MAGEL2: variants seen among roughly 807,000 people sequenced by gnomAD.
MAGEL2 encodes MAGE-like protein 2.
For missense variants in MAGEL2, 1,830 were observed against 1,699.2 expected (o/e 1.08, Z -1.35); for synonymous variants, 792 against 721.7 (o/e 1.10, Z -1.56).
At position 23,645,635 on chromosome 15, in the gene MAGEL2, G is replaced by T; in HGVS notation, c.2108C>A (p.Ala703Glu). 1 of 1,587,576 alleles carries T rather than the reference G, an allele frequency of 6.3e-7. No homozygotes were observed. The highest frequency in any genetic ancestry group is 8.6e-7 in the Non-Finnish European group (1 of 1,167,976). ...LQAQPGPPVA[A>E]ANFPLGSAKS... is the part of the protein sequence containing the mutation. Reference sequence around the variant, plus strand: ...AGCGGAGCCCAGGGGAAAATTTGCCGCTGCTACCGGGGGTCCGGGCTGGGC... The same window carrying T: ...AGCGGAGCCCAGGGGAAAATTTGCCTCTGCTACCGGGGGTCCGGGCTGGGC... The change falls in exon 1 of 1, where the codon GCG (alanine) becomes GAG (glutamate). Residue 703 changes from alanine to glutamate, a missense_variant. Coordinates refer to ENST00000650528, the MANE Select transcript of MAGEL2 (RefSeq NM_019066.5).
Position 23,644,861 on chromosome 15 carries a change from G to C in MAGEL2, c.2882C>G (p.Pro961Arg). 1.9e-6 allele frequency: 3 copies of C among 1,612,368 alleles called. No individual in the cohort carries two copies. Among genetic ancestry groups the C allele is most frequent in the Non-Finnish European group, 2.5e-6 (3 of 1,179,798 alleles). The change falls in exon 1 of 1, where the codon CCC becomes CGC. Residue 961 changes from proline to arginine, a missense_variant. Transcript: ENST00000650528. The part of the protein sequence containing the change: ...TSRILSGWEG[P>R]SASWALSAWE... The stretch of plus-strand genomic sequence containing the variant: ...GGCACTCAGGGCCCAGGATGCGCTG[G>C]GCCCTTCCCAGCCACTCAGGATCCT...
At position 23,645,449 on chromosome 15, in the gene MAGEL2, G is replaced by A. The variant is rs766956336; in HGVS notation, c.2294C>T (p.Ala765Val). The change falls in exon 1 of 1, where the codon GCG (alanine) becomes GTG (valine). Residue 765 changes from alanine to valine, a missense_variant. By Grantham distance (64) the Ala-to-Val change is moderately conservative. Transcript: ENST00000650528. ...TFCAPKAVSA[A>V]RAHLPAAWKN... ...CCAGGCAGCTGGCAGGTGTGCTCGCGCAGCTGACACTGCCTTGGGAGCACA... is the reference window on the plus strand; with the variant it reads ...CCAGGCAGCTGGCAGGTGTGCTCGCACAGCTGACACTGCCTTGGGAGCACA... 1.9e-6 allele frequency: 3 copies of A among 1,613,976 alleles called. No homozygotes were observed. Among genetic ancestry groups the A allele is most frequent in the Non-Finnish European group, 2.5e-6 (3 of 1,179,898 alleles).
chr15:23,644,843 A>G lies in MAGEL2; in HGVS notation c.2900T>C (p.Leu967Pro), dbSNP rs1231141709. 6.2e-7 allele frequency: 1 copy of G among 1,612,300 alleles called. No homozygotes were observed. Among genetic ancestry groups the G allele is most frequent in the East Asian group, 2.2e-5 (1 of 44,852 alleles). Reference sequence around the variant, plus strand: ...GGTGCTCGGGCCCTCCCAGGCACTCAGGGCCCAGGATGCGCTGGGCCCTTC... The same window carrying G: ...GGTGCTCGGGCCCTCCCAGGCACTCGGGGCCCAGGATGCGCTGGGCCCTTC... ...GWEGPSASWA[L>P]SAWEGPSTSR... The change falls in exon 1 of 1, where the codon CTG becomes CCG. Residue 967 changes from leucine to proline, a missense_variant. Leu to Pro is a moderately conservative substitution (Grantham distance 98). Transcript: ENST00000650528.
In MAGEL2 at chr15:23,644,240, T is replaced by G. The variant is rs772792691; in HGVS notation, c.3503A>C (p.Glu1168Ala). 10 of 1,613,690 alleles carry G rather than the reference T, an allele frequency of 6.2e-6. No individual in the cohort carries two copies. In the African/African-American group the frequency reaches 1.2e-4, roughly 19 times the overall value. ...TEVFVRQKYLEYRRIPYTEPA... is the reference protein window; with the variant it reads ...TEVFVRQKYLAYRRIPYTEPA... ...CTCAGTGTAAGGGATTCGCCTGTAC[T>G]CTAGGTACTTCTGCCTGACAAACAC... Residue 1168 changes from glutamate (E) to alanine (A), a missense_variant, in exon 1 of 1, where the codon GAG becomes GCG. Transcript: ENST00000650528.
At position 23,644,357 on chromosome 15, in the gene MAGEL2, T is replaced by C; in HGVS notation, c.3386A>G (p.Glu1129Gly). The change falls in exon 1 of 1, where the codon GAG becomes GGG. Residue 1129 changes from glutamate to glycine, a missense_variant. Glu to Gly is a moderately conservative substitution (Grantham distance 98). Transcript: ENST00000650528. ...GAACAGAAAATTAAAGATCAGATCC[T>C]CCCTGACACAGTTGCCTTTCATAAA... Reference protein sequence around the residue: ...LIFMKGNCVREDLIFNFLFKL... With the variant: ...LIFMKGNCVRGDLIFNFLFKL... 1 of 1,613,912 alleles carries C rather than the reference T, an allele frequency of 6.2e-7. No homozygotes were observed. The highest frequency in any genetic ancestry group is 8.5e-7 in the Non-Finnish European group (1 of 1,179,874).
rs772558239 is a variant in MAGEL2 at position 23,644,093 on chromosome 15, A to G, written c.3650T>C (p.Leu1217Pro). The G allele has an allele frequency of 6.2e-7, 1 of 1,613,918 alleles. No individual in the cohort carries two copies. The highest frequency in any genetic ancestry group is 2.2e-5 in the East Asian group (1 of 44,878). ...CCACTCACACTCTGCGAGCGCTTCA[A>G]GGTAATGGAATGGCCAGCTCTGTGG... Reference protein sequence around the residue: ...KDPQSWPFHYLEALAECEWED... With the variant: ...KDPQSWPFHYPEALAECEWED... Residue 1217 changes from leucine to proline, a missense_variant, in exon 1 of 1, where the codon CTT (leucine) becomes CCT (proline). Physicochemically the swap from Leu to Pro is moderately conservative, Grantham distance 98 (BLOSUM62 -3). Transcript: ENST00000650528.
At position 23,647,613 on chromosome 15, in the gene MAGEL2, A is replaced by C; in HGVS notation, c.130T>G (p.Trp44Gly). Residue 44 changes from tryptophan (W) to glycine (G), a missense_variant, in exon 1 of 1, where the codon TGG (tryptophan) becomes GGG (glycine). By Grantham distance (184) the Trp-to-Gly change is radical (BLOSUM62 -2). Coordinates refer to ENST00000650528, the MANE Select transcript of MAGEL2 (RefSeq NM_019066.5). ...TGCAAGTCAATTGGAGGTGGATCCC[A>C]AGGGACTGGCGGAGCCCGGGAGGAA... Reference protein sequence around the residue: ...PASSRAPPVPWDPPPIDLQAS... With the variant: ...PASSRAPPVPGDPPPIDLQAS... 1 of 1,536,932 alleles carries C rather than the reference A, an allele frequency of 6.5e-7. No homozygotes were observed. The highest frequency in any genetic ancestry group is 8.7e-7 in the Non-Finnish European group (1 of 1,146,846).
chr15:23,647,438 G>A lies in MAGEL2; in HGVS notation c.305C>T (p.Pro102Leu), dbSNP rs1166664567. 6.5e-7 allele frequency: 1 copy of A among 1,535,720 alleles called. No individual in the cohort carries two copies. The highest frequency in any genetic ancestry group is 2.4e-5 in the East Asian group (1 of 40,892). ...APPLGGPMGK[P>L]PTPGVLMVHP... ...CACCATCAGGACCCCGGGAGTCGGA[G>A]GCTTACCCATCGGGCCCCCCAGCGG... Residue 102 changes from proline to leucine, a missense_variant, in exon 1 of 1, where the codon CCT (proline) becomes CTT (leucine). Pro to Leu is a moderately conservative substitution (Grantham distance 98). Coordinates refer to ENST00000650528, the MANE Select transcript of MAGEL2 (RefSeq NM_019066.5).
Position 23,643,926 on chromosome 15 carries a change from A to T in MAGEL2, c.*67T>A, listed in dbSNP as rs1890334153. ...TGGAACACAAACACCAGGAACAAAA[A>T]TGTCCCCCCACCCTGTCAGTGGCCT... is the stretch of plus-strand genomic sequence containing the variant. On this transcript the variant is annotated 3_prime_UTR_variant, in exon 1 of 1. Transcript: ENST00000650528. 3 of 1,458,098 alleles carry T rather than the reference A, an allele frequency of 2.1e-6. No homozygotes were observed. The highest frequency in any genetic ancestry group is 2.7e-6 in the Non-Finnish European group (3 of 1,103,346). 90.3% of individuals were successfully genotyped at this position (1,458,098 alleles called of 1,614,324 possible).
Position 23,646,358 on chromosome 15 carries a change from G to A in MAGEL2, c.1385C>T (p.Pro462Leu). 1 of 1,384,606 alleles carries A rather than the reference G, an allele frequency of 7.2e-7. No homozygotes were observed. The highest frequency in any genetic ancestry group is 9.3e-7 in the Non-Finnish European group (1 of 1,080,308). The allele number at this position is 1,384,606 out of a possible 1,614,324, so 85.8% of individuals were successfully genotyped here. ...RQAPPVIRQA[P>L]AVIRQAPPVI... ...AGGTGGGGCCTGGCGGATCACAGCG[G>A]GGGCCTGGCGGATCACGGGTGGGGC... Residue 462 changes from proline to leucine, a missense_variant, in exon 1 of 1, where the codon CCC becomes CTC. By Grantham distance (98) the Pro-to-Leu change is moderately conservative. Coordinates refer to ENST00000650528, the MANE Select transcript of MAGEL2 (RefSeq NM_019066.5). The surrounding 1 kb of genome is among the most constrained non-coding windows in gnomAD (Gnocchi z 4.2).
Position 23,646,284 on chromosome 15 carries a change from G to A in MAGEL2, c.1459C>T (p.Arg487Cys), listed in dbSNP as rs1360961380. Residue 487 changes from arginine to cysteine, a missense_variant, in exon 1 of 1, where the codon CGC (arginine) becomes TGC (cysteine). Transcript: ENST00000650528. This position sits in a 1 kb window ranked among gnomAD's most constrained non-coding sequence, Gnocchi z 4.2. ...TGGCGGATCAGCGGCGGGGCCTGGC[G>A]GATCACAGGTGGAGCCTGGCGGATC... ...PVIRQAPPVIRQAPPLIRQAP... is the reference protein window; with the variant it reads ...PVIRQAPPVICQAPPLIRQAP... 4 of 1,362,854 alleles carry A rather than the reference G, an allele frequency of 2.9e-6. No individual in the cohort carries two copies. Among genetic ancestry groups the A allele is most frequent in the Non-Finnish European group, 2.8e-6 (3 of 1,068,900 alleles). 84.4% of individuals were successfully genotyped at this position (1,362,854 alleles called of 1,614,324 possible).
Position 23,647,444 on chromosome 15 carries a change from C to T in MAGEL2, c.299G>A (p.Gly100Asp), listed in dbSNP as rs1297861557. 3 of 1,535,178 alleles carry T rather than the reference C, an allele frequency of 2.0e-6. No individual in the cohort carries two copies. The highest frequency in any genetic ancestry group is 2.0e-5 in the Admixed American group (1 of 50,834). The change falls in exon 1 of 1, where the codon GGT becomes GAT. Residue 100 changes from glycine to aspartate, a missense_variant. Transcript: ENST00000650528. ...VPAPPLGGPM[G>D]KPPTPGVLMV... ...CAGGACCCCGGGAGTCGGAGGCTTA[C>T]CCATCGGGCCCCCCAGCGGGGGAGC...
In MAGEL2 at chr15:23,646,838, G is replaced by A. The variant is rs1185098787; in HGVS notation, c.905C>T (p.Pro302Leu). Reference protein sequence around the residue: ...PGARAPMTQPPASGAPMAQPA... With the variant: ...PGARAPMTQPLASGAPMAQPA... Reference sequence around the variant, plus strand: ...CTGTGCCATCGGTGCTCCTGAAGCTGGAGGCTGGGTCATCGGAGCTCTCGC... The same window carrying A: ...CTGTGCCATCGGTGCTCCTGAAGCTAGAGGCTGGGTCATCGGAGCTCTCGC... The change falls in exon 1 of 1, where the codon CCA becomes CTA. Residue 302 changes from proline (P) to leucine (L), a missense_variant. Transcript: ENST00000650528. This position sits in a 1 kb window ranked among gnomAD's most constrained non-coding sequence, Gnocchi z 4.2. 6.5e-7 allele frequency: 1 copy of A among 1,536,572 alleles called. No individual in the cohort carries two copies. Among genetic ancestry groups the A allele is most frequent in the Admixed American group, 2.0e-5 (1 of 51,000 alleles).
chr15:23,645,159 G>T lies in MAGEL2; in HGVS notation c.2584C>A (p.Pro862Thr), dbSNP rs750446134. 3.1e-6 allele frequency: 5 copies of T among 1,613,806 alleles called. No homozygotes were observed. Among genetic ancestry groups the T allele is most frequent in the Non-Finnish European group, 3.4e-6 (4 of 1,179,892 alleles). ...PTFLMATAAA[P>T]QATATTQEAS... ...TCTTGAGTGGTGGCAGTTGCCTGGG[G>T]GGCAGCTGCTGTAGCCATCAGGAAG... The change falls in exon 1 of 1, where the codon CCC becomes ACC. Residue 862 changes from proline (P) to threonine (T), a missense_variant. Transcript: ENST00000650528.
Position 23,645,085 on chromosome 15 carries a change from G to A in MAGEL2, c.2658C>T (p.Thr886=), listed in dbSNP as rs1200754593. The A allele has an allele frequency of 1.9e-6, 3 of 1,613,896 alleles. No homozygotes were observed. Among genetic ancestry groups the A allele is most frequent in the Non-Finnish European group, 1.7e-6 (2 of 1,179,908 alleles). Residue 886 remains threonine (T), a synonymous_variant, in exon 1 of 1, where the codon ACC becomes ACT. Transcript: ENST00000650528. ...GGGCTTCCAGATGCTTCTTCTTCCGGGTGGCCTTGCCGGAGCGGCGTGGCG... is the reference window on the plus strand; with the variant it reads ...GGGCTTCCAGATGCTTCTTCTTCCGAGTGGCCTTGCCGGAGCGGCGTGGCG... ...VEPPRRSGKA[T]RKKKHLEAQE... is the part of the protein sequence containing the mutation.
In MAGEL2 at chr15:23,647,390, G is replaced by T; in HGVS notation, c.353C>A (p.Pro118Gln). 6.5e-7 allele frequency: 1 copy of T among 1,536,728 alleles called. No homozygotes were observed. The highest frequency in any genetic ancestry group is 8.7e-7 in the Non-Finnish European group (1 of 1,146,800). Residue 118 changes from proline (P) to glutamine (Q), a missense_variant, in exon 1 of 1, where the codon CCG becomes CAG. Physicochemically the swap from Pro to Gln is moderately conservative, Grantham distance 76 (BLOSUM62 -1). Transcript: ENST00000650528. ...LMVHPPPPGA[P>Q]MAQPPTPGVL... Reference sequence around the variant, plus strand: ...TCCCGGGGTCGGAGGCTGGGCCATCGGGGCTCCCGGAGGTGGAGGATGCAC... The same window carrying T: ...TCCCGGGGTCGGAGGCTGGGCCATCTGGGCTCCCGGAGGTGGAGGATGCAC...
In MAGEL2 at chr15:23,647,018, G is replaced by C; in HGVS notation, c.725C>G (p.Pro242Arg). ...GACCATCAGGACTCCCGGAGTCAGA[G>C]GCTGGGCCATCAGGACTCCCGGAGC... ...PPAPGVLMAQ[P>R]LTPGVLMVQP... Residue 242 changes from proline to arginine, a missense_variant, in exon 1 of 1, where the codon CCT becomes CGT. Physicochemically the swap from Pro to Arg is moderately radical, Grantham distance 103. Transcript: ENST00000650528. 3 of 1,537,016 alleles carry C rather than the reference G, an allele frequency of 2.0e-6. No homozygotes were observed. Among genetic ancestry groups the C allele is most frequent in the Non-Finnish European group, 2.6e-6 (3 of 1,146,872 alleles).
chr15:23,646,044 G>A lies in MAGEL2; in HGVS notation c.1699C>T (p.Pro567Ser), dbSNP rs1376590973. 1.3e-6 allele frequency: 2 copies of A among 1,535,476 alleles called. No homozygotes were observed. The highest frequency in any genetic ancestry group is 1.8e-6 in the Non-Finnish European group (2 of 1,141,654). Reference protein sequence around the residue: ...AGPQVPQPVLPAPLSAPLSAP... With the variant: ...AGPQVPQPVLSAPLSAPLSAP... ...GACAGTGGGGCAGACAGCGGGGCCGGCAGCACAGGCTGGGGCACCTGCGGG... is the reference window on the plus strand; with the variant it reads ...GACAGTGGGGCAGACAGCGGGGCCGACAGCACAGGCTGGGGCACCTGCGGG... Residue 567 changes from proline (P) to serine (S), a missense_variant, in exon 1 of 1, where the codon CCG (proline) becomes TCG (serine). Transcript: ENST00000650528. The surrounding 1 kb of genome is among the most constrained non-coding windows in gnomAD (Gnocchi z 4.2).
chr15:23,645,452 G>A lies in MAGEL2; in HGVS notation c.2291C>T (p.Ala764Val), dbSNP rs367622774. The change falls in exon 1 of 1, where the codon GCT becomes GTT. Residue 764 changes from alanine to valine, a missense_variant. Transcript: ENST00000650528. ...GGCAGCTGGCAGGTGTGCTCGCGCA[G>A]CTGACACTGCCTTGGGAGCACAGAA... Reference protein sequence around the residue: ...ATFCAPKAVSAARAHLPAAWK... With the variant: ...ATFCAPKAVSVARAHLPAAWK... 1.3e-5 allele frequency: 21 copies of A among 1,613,858 alleles called. No homozygotes were observed. The highest frequency in any genetic ancestry group is 1.7e-5 in the Non-Finnish European group (20 of 1,179,896).
Sources: allele counts gnomAD v4.1 joint callset, GRCh38; gene constraint gnomAD v4.1.1; non-coding constraint Gnocchi (gnomAD v3.1); transcripts MANE v1.5; gene names NCBI Gene and HGNC (gene_info 2026-07-23, HGNC 2026-07-21).